The following BICRAL variants were observed in gnomAD, a reference collection of about 807,000 sequenced individuals.
BICRAL encodes BICRA like chromatin remodeling complex associated protein, also known as BRD4-interacting chromatin-remodeling complex-associated protein-like.
BICRAL carries 8 observed loss-of-function variants against 91.8 expected under a neutral mutation model. That is an observed-to-expected ratio of 0.09 (90% confidence interval 0.05 to 0.16). The LOEUF (loss-of-function observed/expected upper bound fraction) is 0.16, where lower values mean the gene tolerates loss of function less well. Ranked by LOEUF, BICRAL falls within the 10% of genes least tolerant of loss-of-function variation. BICRAL has a pLI of 1.00. For synonymous variants in BICRAL, 445 were observed against 491.1 expected, an observed-to-expected ratio of 0.91 and a Z score of 1.24; for missense variants, 1,038 against 1,310.9, an observed-to-expected ratio of 0.79 and a Z score of 3.21.
At chr6:42,783,688 C>T (rs1763009644) in intron 1 of BICRAL, among the ~76,000 whole-genome samples, 1 of 152,204 alleles carries the variant, frequency 6.6e-6, no homozygotes, top group Non-Finnish European at 1.5e-5. Flanking sequence ...GCCGCCGGCT[C>T]GGAGCGGGAA....
chr6:42,812,214 C>T (rs1562473770), intron 2 of BICRAL, among the ~76,000 whole-genome samples: 2 of 152,132 alleles, frequency 1.3e-5, no homozygotes, highest in African/African-American at 2.4e-5. Context: ...AATCCTAACA[C>T]TTTGTGTGGC....
intron 5 of BICRAL, among the ~76,000 whole-genome samples, chr6:42,827,850 A>C (rs1420881547): frequency 6.6e-6 from 1 of 152,168 alleles, no homozygotes; most frequent in Non-Finnish European, 1.5e-5. Context: ...GGGCCACTGC[A>C]CTCCAGCCTG....
intron 6 of BICRAL, among the ~76,000 whole-genome samples, chr6:42,834,736 C>T (rs773762364): frequency 1.3e-5 from 2 of 152,142 alleles, no homozygotes; most frequent in Non-Finnish European, 2.9e-5. Flanking sequence ...TCCAAATTGG[C>T]TGCTCATCCT....
chr6:42,858,515 TAA>T (rs34689139), intron 10 of BICRAL, among the ~76,000 whole-genome samples: 114 of 113,264 alleles, frequency 1.0e-3, no homozygotes, highest in South Asian at 2.0e-3. Context: ...GACTCTGTTT[TAA>T]AAAAAAAAAA....
Position 42,829,900 on chromosome 6 carries a change from C to T in BICRAL, c.1567C>T (p.Pro523Ser). Residue 523 changes from proline to serine, a missense_variant, in exon 6 of 13, where the codon CCT becomes TCT. Around this residue, in one of 5 missense-constraint regions of BICRAL, gnomAD observed 532 missense variants for 724.9 expected, o/e 0.73. Transcript: ENST00000314073. ...PGQSSVSQGR[P>S]GFATMPSVTS... is the part of the protein sequence containing the mutation. The stretch of plus-strand genomic sequence containing the variant: ...GCAGAGCAGCGTTTCCCAAGGAAGA[C>T]CTGGCTTCGCCACCATGCCATCGGT... The T allele has an allele frequency of 6.2e-7, 1 of 1,614,228 alleles. No homozygotes were observed. Among genetic ancestry groups the T allele is most frequent in the Non-Finnish European group, 8.5e-7 (1 of 1,180,042 alleles).
rs542579613 is a variant in BICRAL, at chr6:42,822,997, C to T, written c.153C>T (p.Asn51=). 1 of 1,595,126 alleles carries T rather than the reference C, an allele frequency of 6.3e-7. No homozygotes were observed. The highest frequency in any genetic ancestry group is 2.2e-5 in the East Asian group (1 of 44,756). The change falls in exon 5 of 13, where the codon AAC becomes AAT. Residue 51 remains asparagine, a synonymous_variant. Coordinates refer to ENST00000314073, the MANE Select transcript of BICRAL (RefSeq NM_001393499.1). Reference sequence around the variant, plus strand: ...CCAATTCAAATTCAATTTTCGCCAACTCTAGTGTGAGTATTGGAAACTAAA... The same window carrying T: ...CCAATTCAAATTCAATTTTCGCCAATTCTAGTGTGAGTATTGGAAACTAAA... ...SAANSNSIFA[N]SSNADPKSSL...
At chr6:42,756,078 C>G (rs1242034304) in intron 1 of BICRAL, among the ~76,000 whole-genome samples, 1 of 152,194 alleles carries the variant, frequency 6.6e-6, no homozygotes, top group Non-Finnish European at 1.5e-5. Flanking sequence ...GTCCTATCAT[C>G]CACCCAAGTG....
intron 6 of BICRAL, among the ~76,000 whole-genome samples, chr6:42,842,248 A>G (rs1764820075): frequency 6.6e-6 from 1 of 152,224 alleles, no homozygotes; most frequent in Non-Finnish European, 1.5e-5. Flanking sequence ...AAGTGCAGCC[A>G]GGATACAGAA....
chr6:42,853,489 C>A (rs1238890768), intron 7 of BICRAL, 149 bp from the exon 8 acceptor site: 2 of 610,226 alleles, frequency 3.3e-6, no homozygotes, highest in Non-Finnish European at 5.9e-6. Context: ...AAATGCACTA[C>A]CCTGCCCTCC....
rs1765698024 is a variant in BICRAL at position 42,865,868 on chromosome 6, A to G, written c.*422A>G. The G allele has an allele frequency of 6.4e-6, 1 of 155,274 alleles. No individual in the cohort carries two copies. 9.6% of individuals were successfully genotyped at this position (155,274 alleles called of 1,614,324 possible). A position where few individuals can be genotyped will look rare whatever the true frequency, so the allele number is the denominator to read the frequency against. The stretch of plus-strand genomic sequence containing the variant: ...AAATCAAACGAGACGGATAGAAGCT[A>G]CTTTTTAAAGAATATCCCACTGCAT... On this transcript the variant is annotated 3_prime_UTR_variant, in exon 13 of 13. Transcript: ENST00000314073.
At chr6:42,748,909 C>A (rs1762333065) in intron 1 of BICRAL, among the ~76,000 whole-genome samples, 1 of 152,084 alleles carries the variant, frequency 6.6e-6, no homozygotes, top group South Asian at 2.1e-4. Context: ...GAAATATATC[C>A]CAGCTTGTCA....
Position 42,864,760 on chromosome 6 carries a change from T to G in BICRAL, c.2554T>G (p.Ser852Ala). Residue 852 changes from serine to alanine, a missense_variant, in exon 13 of 13, where the codon TCT becomes GCT. By Grantham distance (99) the Ser-to-Ala change is moderately conservative (BLOSUM62 1). This residue lies in a region of BICRAL where 294 missense variants were observed against 292.6 expected (regional missense o/e 1.00). Transcript: ENST00000314073. The stretch of plus-strand genomic sequence containing the variant: ...CCAGCATGGCAGTAAAGCAAGCAGC[T>G]CTCTGCAACCGCCAGCCAAGGCCCA... Reference protein sequence around the residue: ...SDQHGSKASSSLQPPAKAQGR... With the variant: ...SDQHGSKASSALQPPAKAQGR... 1 of 1,614,060 alleles carries G rather than the reference T, an allele frequency of 6.2e-7. No homozygotes were observed. Among genetic ancestry groups the G allele is most frequent in the South Asian group, 1.1e-5 (1 of 91,082 alleles).
chr6:42,790,330 A>ATTTTTTTTTTTT (rs70990136), intron 1 of BICRAL, among the ~76,000 whole-genome samples: 5 of 87,826 alleles, frequency 5.7e-5, no homozygotes, highest in Non-Finnish European at 8.3e-5. Context: ...AGATAATTTA[A>ATTTTTTTTTTTT]TTTTTTTTTT....
At position 42,845,203 on chromosome 6, in the gene BICRAL, T is replaced by G. The variant is rs1275020632; in HGVS notation, c.1840-6889T>G. Among the ~76,000 whole-genome samples the G allele has an allele frequency of 8.2e-3, 175 of 21,456 alleles. 12 individuals are homozygous for G. Among genetic ancestry groups the G allele is most frequent in the African/African-American group, 0.027 (107 of 3,908 alleles). The allele number at this position is 21,456 out of a possible 152,430, so 14.1% of individuals were successfully genotyped here. On this transcript the variant is annotated intron_variant, in intron 6 of 12. Coordinates refer to ENST00000314073, the MANE Select transcript of BICRAL (RefSeq NM_001393499.1). Reference sequence around the variant, plus strand: ...TTTTTTGTTTTTTGGGTGTTTTTTTTTTTTTTTTTTTTTTTTTTTTTTTTT... The same window carrying G: ...TTTTTTGTTTTTTGGGTGTTTTTTTGTTTTTTTTTTTTTTTTTTTTTTTTT...
intron 2 of BICRAL, among the ~76,000 whole-genome samples, chr6:42,821,468 G>A (rs915103261): frequency 1.3e-5 from 2 of 152,136 alleles, no homozygotes; most frequent in South Asian, 4.1e-4. Flanking sequence ...GGGACCGGCC[G>A]GCCAGAGCCT....
chr6:42,810,244 T>C (rs1378839605), intron 1 of BICRAL, 62 bp from the exon 2 acceptor site: 2 of 152,222 alleles, frequency 1.3e-5, no homozygotes, highest in Non-Finnish European at 1.5e-5. Flanking sequence ...ATGCTGAGTT[T>C]GACAGCTTCT....
At position 42,844,508 on chromosome 6, in the gene BICRAL, C is replaced by CAA. The variant is rs34115804; in HGVS notation, c.1840-7548_1840-7547dup. On this transcript the variant is annotated intron_variant, in intron 6 of 12. Transcript: ENST00000314073. ...TGGGCTACAGAGCAAGACTCCATCT[C>CAA]AAAAAAAAAAAAAAAAAAAAAAAAA... Among the ~76,000 whole-genome samples, 92 of 31,456 alleles carry CAA rather than the reference C, an allele frequency of 2.9e-3. 8 individuals are homozygous for CAA. Among genetic ancestry groups the CAA allele is most frequent in the Non-Finnish European group, 4.6e-3 (59 of 12,924 alleles). The allele number at this position is 31,456 out of a possible 152,430, so 20.6% of individuals were successfully genotyped here.
chr6:42,773,396 T>A (rs530511437), intron 1 of BICRAL, among the ~76,000 whole-genome samples: 1 of 151,932 alleles, frequency 6.6e-6, no homozygotes, highest in African/African-American at 2.4e-5. Flanking sequence ...AAAAAAAAAT[T>A]AAAAAAATAC....
intron 1 of BICRAL, among the ~76,000 whole-genome samples, chr6:42,798,347 A>C (rs1172662850): frequency 6.6e-6 from 1 of 151,756 alleles, no homozygotes; most frequent in African/African-American, 2.4e-5. Flanking sequence ...AAATTAAAAT[A>C]AATCTAAAAA....
Sources: gnomAD v4.1 joint callset for allele counts (sites outside exome capture counted in the v4.1 genomes callset) on GRCh38, gnomAD v4.1.1 for gene constraint, gnomAD v4.1.1 regional missense constraint, MANE v1.5 for transcripts, NCBI Gene and HGNC (gene_info 2026-07-23, HGNC 2026-07-21) for gene names.